The following ACAD10 variants were observed in gnomAD, a reference collection of about 807,000 sequenced individuals.
ACAD10 encodes acyl-CoA dehydrogenase family member 10.
A neutral mutation model predicts 116.8 loss-of-function variants in ACAD10; 112 were observed. The ratio of observed to expected loss-of-function variants is 0.96; its 90% CI spans 0.82 to 1.12. ACAD10 has a LOEUF of 1.12. Ranked by LOEUF, ACAD10 falls within the 50% of genes most tolerant of loss-of-function variation. The pLI, the probability that ACAD10 is intolerant of heterozygous loss-of-function variation, is 0.00. For missense variants in ACAD10, 1,259 were observed against 1,350.2 expected (o/e 0.93, Z 1.06); for synonymous variants, 486 against 510.6 (o/e 0.95, Z 0.65).
At chr12:111,722,564 G>C (rs1225862836) in intron 8 of ACAD10, among the ~76,000 whole-genome samples, 1 of 151,730 alleles carries the variant, frequency 6.6e-6, no homozygotes, top group Non-Finnish European at 1.5e-5. Context: ...CTGGGTACTT[G>C]AGATTAGGGA....
At chr12:111,704,519 C>T (rs1888441022) in intron 3 of ACAD10, among the ~76,000 whole-genome samples, 1 of 151,980 alleles carries the variant, frequency 6.6e-6, no homozygotes, top group East Asian at 1.9e-4. Context: ...ATATTAAAAA[C>T]CATTGAATTG....
intron 4 of ACAD10, among the ~76,000 whole-genome samples, chr12:111,706,862 C>G (rs1888526088): frequency 1.3e-5 from 2 of 150,186 alleles, no homozygotes; most frequent in South Asian, 2.1e-4. Flanking sequence ...CAGCCTCCAC[C>G]TTCCAGGCTC....
intron 4 of ACAD10, among the ~76,000 whole-genome samples, chr12:111,707,103 T>C (rs188598477): frequency 4.8e-5 from 7 of 144,926 alleles, no homozygotes; most frequent in Admixed American, 7.0e-5. Context: ...TCTTTTTTTT[T>C]CCTTGAGAGA....
chr12:111,731,172 C>A (rs967076357), intron 10 of ACAD10, among the ~76,000 whole-genome samples: 4 of 152,226 alleles, frequency 2.6e-5, no homozygotes, highest in African/African-American at 9.6e-5. Flanking sequence ...CGGCTTCTTC[C>A]GTTAGCCAGC....
intron 8 of ACAD10, among the ~76,000 whole-genome samples, chr12:111,722,586 TCTTAACGAGCATGCTGC>T (rs1889048208): frequency 1.3e-5 from 2 of 151,682 alleles, no homozygotes; most frequent in Admixed American, 6.6e-5. Context: ...TGGTGATGAC[TCTTAACGAGCATGCTGC>T]CTTCAAGCTT....
At chr12:111,743,065 C>T (rs1320311618) in intron 12 of ACAD10, among the ~76,000 whole-genome samples, 2 of 152,142 alleles carry the variant, frequency 1.3e-5, no homozygotes, top group Non-Finnish European at 2.9e-5. Context: ...TCAATTTATC[C>T]ATTTATTGGG....
intron 2 of ACAD10, 21 bp from the exon 3 acceptor site, chr12:111,702,141 T>G (rs758846101): frequency 6.2e-7 from 1 of 1,607,986 alleles, no homozygotes; most frequent in South Asian, 1.1e-5. Context: ...ATTCCACTTT[T>G]GCATATTTTG....
chr12:111,689,638 A>G (rs1887980748), intron 1 of ACAD10, among the ~76,000 whole-genome samples: 1 of 151,516 alleles, frequency 6.6e-6, no homozygotes, highest in African/African-American at 2.4e-5. Flanking sequence ...TAGCATCCCA[A>G]AGTTCTGGGA....
At chr12:111,687,745 C>T (rs1225778814) in intron 1 of ACAD10, among the ~76,000 whole-genome samples, 1 of 152,114 alleles carries the variant, frequency 6.6e-6, no homozygotes, top group Non-Finnish European at 1.5e-5. Flanking sequence ...AGAGGAGTAA[C>T]CTGAGGCTTG....
At chr12:111,734,469 A>G (rs898972548) in intron 11 of ACAD10, among the ~76,000 whole-genome samples, 4 of 152,098 alleles carry the variant, frequency 2.6e-5, no homozygotes, top group African/African-American at 9.7e-5. Flanking sequence ...TACTAAAAAT[A>G]CAAAATTAGC....
intron 9 of ACAD10, among the ~76,000 whole-genome samples, chr12:111,729,076 A>G (rs1889312972): frequency 6.6e-6 from 1 of 152,192 alleles, no homozygotes; most frequent in Non-Finnish European, 1.5e-5. Flanking sequence ...AAGATGAGGA[A>G]ACTAAAGCAT....
chr12:111,755,626 T>C (rs778866248), intron 19 of ACAD10, 42 bp from the exon 20 acceptor site: 4 of 1,517,224 alleles, frequency 2.6e-6, no homozygotes, highest in Middle Eastern at 2.0e-4. Context: ...CCACCCAGGC[T>C]GCCCTCGGGT....
At chr12:111,743,288 T>A (rs982163540) in intron 12 of ACAD10, among the ~76,000 whole-genome samples, 24 of 151,534 alleles carry the variant, frequency 1.6e-4, no homozygotes, top group South Asian at 4.2e-4. Flanking sequence ...GAAACAGAGA[T>A]CAGTGGGTGC....
At chr12:111,725,311 C>T (rs919461574) in intron 8 of ACAD10, among the ~76,000 whole-genome samples, 13 of 151,992 alleles carry the variant, frequency 8.6e-5, no homozygotes, top group African/African-American at 2.7e-4. Context: ...AGTTTGAGAC[C>T]AGCCAGGGCA....
chr12:111,717,150 C>CGT (rs906891233), intron 7 of ACAD10, among the ~76,000 whole-genome samples: 12 of 151,818 alleles, frequency 7.9e-5, no homozygotes, highest in African/African-American at 2.9e-4. Flanking sequence ...TGAGCTCAGG[C>CGT]GTTCGAGCCC....
intron 1 of ACAD10, among the ~76,000 whole-genome samples, chr12:111,689,903 G>GA (rs1245231410): frequency 6.6e-6 from 1 of 152,056 alleles, no homozygotes; most frequent in African/African-American, 2.4e-5. Flanking sequence ...TTTTAGTAGA[G>GA]ATGGGGTTTC....
At chr12:111,717,717 C>T (rs1199467429) in intron 7 of ACAD10, among the ~76,000 whole-genome samples, 1 of 151,978 alleles carries the variant, frequency 6.6e-6, no homozygotes. Flanking sequence ...GCCATCATGC[C>T]TGGCTAGTTT....
In ACAD10 at chr12:111,740,799, A is replaced by G. The variant is rs867572738; in HGVS notation, c.1714+3795A>G. 1.3e-3 allele frequency among the ~76,000 whole-genome samples: 190 copies of G among 151,284 alleles called. No homozygotes were observed. In the Middle Eastern group the frequency reaches 0.014, roughly 11 times the overall value. ...CTCCATCTCAAAAAAAAAAAAAAAA[A>G]AAAGAAAAGAAAAAGAAATTTTCCA... On this transcript the variant is annotated intron_variant, in intron 12 of 20. Transcript: ENST00000313698.
intron 11 of ACAD10, among the ~76,000 whole-genome samples, chr12:111,735,982 C>T (rs959329948): frequency 4.6e-5 from 7 of 151,716 alleles, no homozygotes; most frequent in Non-Finnish European, 8.8e-5. Flanking sequence ...CGGGTTCAAG[C>T]GATTCTCCGG....
Sources: allele counts gnomAD v4.1 joint callset (sites outside exome capture counted in the v4.1 genomes callset), GRCh38; gene constraint gnomAD v4.1.1; transcripts MANE v1.5; gene names NCBI Gene and HGNC (gene_info 2026-07-23, HGNC 2026-07-21).